Variants in LAMA2 observed in about 807,000 individuals in gnomAD.
LAMA2 encodes the protein laminin subunit alpha-2.
Under a neutral mutation model 364.8 loss-of-function variants are expected in LAMA2, and 269 were observed. The ratio of observed to expected loss-of-function variants is 0.74; its 90% CI spans 0.67 to 0.82. LAMA2 has a LOEUF of 0.82. Ranked by LOEUF, LAMA2 falls within the 40% of genes least tolerant of loss-of-function variation. The pLI, the probability that LAMA2 is intolerant of heterozygous loss-of-function variation, is 0.00. For missense variants in LAMA2, 3,807 were observed against 3,873.2 expected, an observed-to-expected ratio of 0.98 and a Z score of 0.45; for synonymous variants, 1,379 against 1,370.6, an observed-to-expected ratio of 1.01 and a Z score of -0.14.
rs3062342 is a variant in LAMA2, at chr6:129,314,398, C to CAAAAAAAAAAA, written c.3412-246_3412-236dup. Among the ~76,000 whole-genome samples the CAAAAAAAAAAA allele has an allele frequency of 4.2e-3, 340 of 81,822 alleles. 22 individuals are homozygous for CAAAAAAAAAAA. Among genetic ancestry groups the CAAAAAAAAAAA allele is most frequent in the African/African-American group, 0.018 (322 of 18,156 alleles). The allele number at this position is 81,822 out of a possible 152,430, so 53.7% of individuals were successfully genotyped here. A position where few individuals can be genotyped will look rare whatever the true frequency, so the allele number is the denominator to read the frequency against. On this transcript the variant is annotated intron_variant, in intron 23 of 64. Transcript: ENST00000421865. ...TGGGCGAAAGAGCGAGACTCCGTCT[C>CAAAAAAAAAAA]AAAAAAAAAAAAAAAAAAAAAGTAC...
At chr6:129,053,464 G>A (rs1466338241) in intron 2 of LAMA2, among the ~76,000 whole-genome samples, 1 of 152,102 alleles carries the variant, frequency 6.6e-6, no homozygotes. Flanking sequence ...TGTATAGAAT[G>A]TAAGAGGAAA....
chr6:129,465,409 A>T, intron 51 of LAMA2, 120 bp downstream of exon 51: 1 of 860,730 alleles, frequency 1.2e-6, no homozygotes, highest in Non-Finnish European at 1.9e-6. Flanking sequence ...TCAGTGAAAA[A>T]TTTATACAGT....
intron 18 of LAMA2, 103 bp downstream of exon 18, chr6:129,280,250 ACAC>A: frequency 1.3e-6 from 1 of 766,270 alleles, no homozygotes; most frequent in Non-Finnish European, 2.4e-6. Context: ...AAAAAAGGCC[ACAC>A]TCAATGAGGT....
intron 58 of LAMA2, 116 bp from the exon 59 acceptor site, chr6:129,502,542 AT>A: frequency 1.4e-6 from 1 of 731,868 alleles, no homozygotes; most frequent in Non-Finnish European, 2.5e-6. Context: ...GAGATGAATA[AT>A]GTAGTTTTTA....
At chr6:129,044,372 A>T (rs1193165668) in intron 1 of LAMA2, among the ~76,000 whole-genome samples, 16 of 152,146 alleles carry the variant, frequency 1.1e-4, no homozygotes, top group Non-Finnish European at 1.5e-5. Context: ...AGATCATCAA[A>T]ATCATGCCAA....
intron 30 of LAMA2, among the ~76,000 whole-genome samples, chr6:129,345,060 G>A (rs942508436): frequency 6.6e-6 from 1 of 152,146 alleles, no homozygotes; most frequent in Non-Finnish European, 1.5e-5. Flanking sequence ...GAGTCTGATT[G>A]GAGGGCTTCA....
At chr6:129,400,081 G>A (rs1779882977) in intron 37 of LAMA2, among the ~76,000 whole-genome samples, 1 of 152,148 alleles carries the variant, frequency 6.6e-6, no homozygotes, top group Non-Finnish European at 1.5e-5. Context: ...TCAAAGTATT[G>A]GCAGATTTGG....
chr6:129,175,434 A>G (rs1249850762), intron 9 of LAMA2, among the ~76,000 whole-genome samples: 1 of 152,206 alleles, frequency 6.6e-6, no homozygotes, highest in East Asian at 1.9e-4. Context: ...GATAAGTGCT[A>G]TTTGAGTCTT....
chr6:128,899,285 C>T (rs1488291190), intron 1 of LAMA2, among the ~76,000 whole-genome samples: 5 of 152,104 alleles, frequency 3.3e-5, no homozygotes, highest in South Asian at 2.1e-4. Context: ...GAATCTGTCC[C>T]GTTTATGATT....
rs776606476 is a variant in LAMA2, at chr6:129,516,232, G to A, written c.9254G>A (p.Arg3085Gln). 3.4e-5 allele frequency: 55 copies of A among 1,613,856 alleles called. No homozygotes were observed. Among genetic ancestry groups the A allele is most frequent in the South Asian group, 1.4e-4 (13 of 91,082 alleles). ...QFGLTTSIPF[R>Q]GCIRSLKLTK... is the part of the protein sequence containing the mutation. ...GGCCTAACAACCAGTATTCCGTTCC[G>A]AGGTTGCATCAGATCCCTGAAGCTC... Residue 3085 changes from arginine to glutamine, a missense_variant, in exon 65 of 65, where the codon CGA (arginine) becomes CAA (glutamine). Physicochemically the swap from Arg to Gln is conservative, Grantham distance 43. Around this residue, in one of 3 missense-constraint regions of LAMA2, gnomAD observed 3,333 missense variants for 3,345.7 expected, o/e 1.00. Transcript: ENST00000421865.
intron 53 of LAMA2, among the ~76,000 whole-genome samples, chr6:129,477,476 G>A (rs1784124909): frequency 1.3e-5 from 2 of 152,122 alleles, no homozygotes; most frequent in South Asian, 4.1e-4. Flanking sequence ...TAGGTACTAT[G>A]ATTATTATTA....
At chr6:129,074,581 C>A (rs1385573113) in intron 3 of LAMA2, among the ~76,000 whole-genome samples, 2 of 152,020 alleles carry the variant, frequency 1.3e-5, no homozygotes, top group African/African-American at 2.4e-5. Context: ...AGTATTTTAT[C>A]CAGCTTTTAT....
At chr6:129,431,795 TTCCTTCTATACAGTGGTCC>T (rs1297839649) in intron 41 of LAMA2, among the ~76,000 whole-genome samples, 1 of 152,212 alleles carries the variant, frequency 6.6e-6, no homozygotes, top group Admixed American at 6.5e-5. Context: ...AGTTGAAGCC[TTCCTTCTATACAGTGGTCC>T]TCCAAACACT....
intron 4 of LAMA2, among the ~76,000 whole-genome samples, chr6:129,139,352 G>GA (rs1371441222): frequency 4.6e-5 from 7 of 151,928 alleles, no homozygotes; most frequent in Non-Finnish European, 7.4e-5. Context: ...AAAAATGTTA[G>GA]AAAAAAATCT....
At chr6:129,463,393 G>C (rs1783365499) in intron 49 of LAMA2, among the ~76,000 whole-genome samples, 1 of 151,864 alleles carries the variant, frequency 6.6e-6, no homozygotes, top group Non-Finnish European at 1.5e-5. Flanking sequence ...TTCAAAGCCA[G>C]ACTTACCTTG....
At chr6:129,310,956 G>A (rs1351714545) in intron 22 of LAMA2, among the ~76,000 whole-genome samples, 2 of 152,070 alleles carry the variant, frequency 1.3e-5, no homozygotes, top group Non-Finnish European at 2.9e-5. Context: ...ATAGGAGCAC[G>A]CTGGGCTACT....
At chr6:129,131,003 T>C (rs1424678256) in intron 4 of LAMA2, among the ~76,000 whole-genome samples, 2 of 152,198 alleles carry the variant, frequency 1.3e-5, no homozygotes, top group Admixed American at 1.3e-4. Context: ...CCTTTTCTTT[T>C]TGCTAAGAAA....
intron 24 of LAMA2, 125 bp from the exon 25 acceptor site, chr6:129,315,351 T>C (rs919148774): frequency 1.2e-6 from 1 of 808,616 alleles, no homozygotes; most frequent in Admixed American, 2.2e-5. Context: ...GTGAGTTCTG[T>C]TGCTTGTGAG....
intron 1 of LAMA2, among the ~76,000 whole-genome samples, chr6:128,977,863 A>T (rs1379149035): frequency 6.6e-6 from 1 of 152,136 alleles, no homozygotes; most frequent in Non-Finnish European, 1.5e-5. Context: ...TTTGCCTCAG[A>T]GTATGGTTGA....
Sources: allele counts gnomAD v4.1 joint callset (sites outside exome capture counted in the v4.1 genomes callset), GRCh38; gene constraint gnomAD v4.1.1; regional missense constraint gnomAD v4.1.1; transcripts MANE v1.5; gene names NCBI Gene and HGNC (gene_info 2026-07-23, HGNC 2026-07-21).